The following CNTN5 variants were observed in gnomAD, a reference collection of about 807,000 sequenced individuals.
CNTN5 encodes contactin 5.
Under a neutral mutation model 129.1 loss-of-function variants are expected in CNTN5, and 77 were observed. The ratio of observed to expected loss-of-function variants is 0.60; its 90% CI spans 0.50 to 0.72. CNTN5 has a LOEUF of 0.72. CNTN5 is among the 30% of genes least tolerant of loss of function. CNTN5 has a pLI of 0.00. For missense variants in CNTN5, 1,478 were observed against 1,328.8 expected, an observed-to-expected ratio of 1.11 and a Z score of -1.75; for synonymous variants, 509 against 465.6, an observed-to-expected ratio of 1.09 and a Z score of -1.20.
At chr11:100,021,191 G>C (rs1941121502) in intron 9 of CNTN5, among the ~76,000 whole-genome samples, 1 of 151,840 alleles carries the variant, frequency 6.6e-6, no homozygotes, top group Non-Finnish European at 1.5e-5. Flanking sequence ...CACTTTTTGT[G>C]ATTTAAACTC....
intron 1 of CNTN5, among the ~76,000 whole-genome samples, chr11:99,074,741 G>A (rs2135261191): frequency 6.6e-6 from 1 of 152,278 alleles, no homozygotes; most frequent in East Asian, 1.9e-4. Context: ...TTTAAAAAGT[G>A]TGATTGCTAG....
intron 7 of CNTN5, among the ~76,000 whole-genome samples, chr11:99,943,815 G>A (rs11221988): frequency 0.13 from 19,255 of 151,896 alleles, 1,681 homozygotes; most frequent in African/African-American, 0.24. Flanking sequence ...GCTTGTTTTC[G>A]TCAGGTTTGT....
At chr11:99,751,387 C>A (rs1428924298) in intron 3 of CNTN5, among the ~76,000 whole-genome samples, 1 of 151,836 alleles carries the variant, frequency 6.6e-6, no homozygotes, top group Non-Finnish European at 1.5e-5. Flanking sequence ...TTACATGGGA[C>A]AAGATTACAG....
At chr11:100,293,031 GA>G (rs1416823440) in intron 18 of CNTN5, among the ~76,000 whole-genome samples, 1 of 151,904 alleles carries the variant, frequency 6.6e-6, no homozygotes, top group Non-Finnish European at 1.5e-5. Flanking sequence ...AGACACAATG[GA>G]ATATTATTAT....
intron 3 of CNTN5, among the ~76,000 whole-genome samples, chr11:99,688,239 G>A (rs570334346): frequency 6.6e-6 from 1 of 152,136 alleles, no homozygotes; most frequent in Non-Finnish European, 1.5e-5. Flanking sequence ...ACAGCATCTT[G>A]CTATGTTGCC....
chr11:99,200,105 C>A (rs1452860767), intron 1 of CNTN5, among the ~76,000 whole-genome samples: 1 of 151,964 alleles, frequency 6.6e-6, no homozygotes, highest in Non-Finnish European at 1.5e-5. Context: ...TCAGATTTTC[C>A]TTGAGAGTTG....
At position 99,086,158 on chromosome 11, in the gene CNTN5, A is replaced by C. The variant is rs564554131; in HGVS notation, c.-210+64888A>C. ...CATTCATTCGTCTACTTTCCAACCC[A>C]CTTGTTCCAGGTCAGGATAGTGGGT... On this transcript the variant is annotated intron_variant, in intron 1 of 24. Transcript: ENST00000524871. Among the ~76,000 whole-genome samples the C allele has an allele frequency of 3.9e-4, 59 of 152,194 alleles. 1 individual carries two copies. Among genetic ancestry groups the C allele is most frequent in the African/African-American group, 1.3e-3 (54 of 41,522 alleles).
chr11:99,766,155 T>A (rs1160229007), intron 3 of CNTN5, among the ~76,000 whole-genome samples: 2 of 152,078 alleles, frequency 1.3e-5, no homozygotes, highest in Admixed American at 1.3e-4. Flanking sequence ...TTTAACTTCA[T>A]AGCTATACAT....
intron 4 of CNTN5, among the ~76,000 whole-genome samples, chr11:99,839,417 A>G (rs1370924781): frequency 1.3e-5 from 2 of 152,068 alleles, no homozygotes; most frequent in East Asian, 1.9e-4. Flanking sequence ...CGTTTTATAT[A>G]TATATATTTT....
chr11:99,858,610 T>C (rs1204230437), intron 6 of CNTN5, among the ~76,000 whole-genome samples: 1 of 36 alleles, frequency 0.028, no homozygotes, highest in East Asian at 0.5. Context: ...TGCTTACCTT[T>C]AGAAAGATTC....
chr11:99,123,313 T>C (rs1858450955), intron 1 of CNTN5, among the ~76,000 whole-genome samples: 1 of 152,152 alleles, frequency 6.6e-6, no homozygotes, highest in Non-Finnish European at 1.5e-5. Flanking sequence ...GTTGAACATT[T>C]TTCATATGCT....
intron 18 of CNTN5, among the ~76,000 whole-genome samples, chr11:100,292,305 C>T (rs1039404008): frequency 4.6e-5 from 7 of 151,924 alleles, no homozygotes; most frequent in African/African-American, 1.7e-4. Context: ...TCATGGGGTG[C>T]ATTGAGTTCT....
At chr11:99,255,389 G>A (rs1273297627) in intron 1 of CNTN5, among the ~76,000 whole-genome samples, 1 of 151,430 alleles carries the variant, frequency 6.6e-6, no homozygotes, top group African/African-American at 2.4e-5. Flanking sequence ...TGGGTATTTG[G>A]AATAAATATA....
intron 8 of CNTN5, among the ~76,000 whole-genome samples, chr11:99,994,782 G>A (rs1473809057): frequency 6.6e-6 from 1 of 152,154 alleles, no homozygotes; most frequent in Non-Finnish European, 1.5e-5. Flanking sequence ...GGGCTTACAA[G>A]TAAGAGAGCA....
chr11:100,306,265 T>G (rs948210734), intron 20 of CNTN5, among the ~76,000 whole-genome samples: 3 of 151,650 alleles, frequency 2.0e-5, no homozygotes, highest in Non-Finnish European at 4.4e-5. Context: ...CTGAACATTT[T>G]TATTTACTTT....
chr11:99,074,494 G>T (rs747443524), intron 1 of CNTN5, among the ~76,000 whole-genome samples: 5 of 152,242 alleles, frequency 3.3e-5, no homozygotes, highest in South Asian at 4.2e-4. Context: ...AAGACTTCAA[G>T]AATATTTTTA....
At chr11:99,953,158 CT>C (rs978378213) in intron 7 of CNTN5, among the ~76,000 whole-genome samples, 4 of 151,722 alleles carry the variant, frequency 2.6e-5, no homozygotes, top group Non-Finnish European at 4.4e-5. Flanking sequence ...CATTCTCACA[CT>C]TTTTTTTTGT....
chr11:100,247,264 A>T (rs982119859), intron 16 of CNTN5, among the ~76,000 whole-genome samples: 2 of 152,206 alleles, frequency 1.3e-5, no homozygotes, highest in Non-Finnish European at 2.9e-5. Context: ...GGGCAGAAGG[A>T]TAGATAATGA....
At chr11:99,730,947 TC>T (rs967468112) in intron 3 of CNTN5, among the ~76,000 whole-genome samples, 2 of 152,090 alleles carry the variant, frequency 1.3e-5, no homozygotes, top group African/African-American at 4.8e-5. Context: ...ATCCTCCTTT[TC>T]CCCACCATTT....
Sources: gnomAD v4.1 joint callset for allele counts (sites outside exome capture counted in the v4.1 genomes callset) on GRCh38, gnomAD v4.1.1 for gene constraint, MANE v1.5 for transcripts, NCBI Gene and HGNC (gene_info 2026-07-23, HGNC 2026-07-21) for gene names.